Variants in CDH6 observed in about 807,000 individuals in gnomAD.
CDH6 encodes the protein cadherin-6.
In CDH6, 31 loss-of-function variants were observed where a neutral mutation model predicts 78.0. The ratio of observed to expected loss-of-function variants is 0.40; its 90% confidence interval spans 0.30 to 0.54. The LOEUF (loss-of-function observed/expected upper bound fraction) is 0.54, where lower values mean the gene tolerates loss of function less well. Ranked by LOEUF, CDH6 falls within the 20% of genes least tolerant of loss-of-function variation. CDH6 has a pLI of 0.56. For missense variants in CDH6, 724 were observed against 975.9 expected, an observed-to-expected ratio of 0.74 and a Z score of 3.44; for synonymous variants, 376 against 368.8, an observed-to-expected ratio of 1.02 and a Z score of -0.23.
intron 1 of CDH6, among the ~76,000 whole-genome samples, chr5:31,238,755 T>A (rs1178745985): frequency 1.3e-5 from 2 of 152,226 alleles, no homozygotes; most frequent in Admixed American, 1.3e-4. Context: ...CAAGTGCCAA[T>A]AGACACGTGT....
intron 10 of CDH6, 57 bp downstream of exon 10, chr5:31,317,549 C>G: frequency 6.6e-7 from 1 of 1,513,712 alleles, no homozygotes; most frequent in Non-Finnish European, 9.1e-7. Context: ...GTAACTGTTT[C>G]TGTATGTATA....
At chr5:31,302,852 GAGAA>G (rs1269429533) in intron 6 of CDH6, among the ~76,000 whole-genome samples, 259 of 125,152 alleles carry the variant, frequency 2.1e-3, no homozygotes, top group African/African-American at 7.2e-3. Context: ...AAGAAAGAAA[GAGAA>G]AGAAAGGAAG....
intron 6 of CDH6, among the ~76,000 whole-genome samples, chr5:31,303,958 A>G (rs1402916993): frequency 1.3e-5 from 2 of 152,152 alleles, no homozygotes; most frequent in South Asian, 2.1e-4. Context: ...ACATTCACCA[A>G]CGTCTAGATT....
chr5:31,252,773 T>C (rs1047056274), intron 1 of CDH6, among the ~76,000 whole-genome samples: 4 of 152,162 alleles, frequency 2.6e-5, no homozygotes, highest in Admixed American at 6.5e-5. Context: ...TGTTTTTTTT[T>C]TAAGAAGGCT....
chr5:31,259,742 G>A (rs1210683130), intron 1 of CDH6, among the ~76,000 whole-genome samples: 1 of 152,168 alleles, frequency 6.6e-6, no homozygotes, highest in African/African-American at 2.4e-5. Context: ...TTTGGGAAAA[G>A]ACAGGGTCCA....
chr5:31,281,842 G>A (rs893478993), intron 2 of CDH6, among the ~76,000 whole-genome samples: 1 of 152,124 alleles, frequency 6.6e-6, no homozygotes, highest in Non-Finnish European at 1.5e-5. Flanking sequence ...TTGGAGTCAG[G>A]CAGGCCTTGG....
chr5:31,218,590 ACATTCAGCCCAT>A (rs1275314135), intron 1 of CDH6, among the ~76,000 whole-genome samples: 1 of 152,130 alleles, frequency 6.6e-6, no homozygotes, highest in African/African-American at 2.4e-5. Context: ...TGTGAGCCCC[ACATTCAGCCCAT>A]CAGAGCACAG....
At chr5:31,197,160 T>C (rs1456422848) in intron 1 of CDH6, among the ~76,000 whole-genome samples, 1 of 152,176 alleles carries the variant, frequency 6.6e-6, no homozygotes, top group Non-Finnish European at 1.5e-5. Context: ...GTTTTTTCTG[T>C]TTCATTTCTT....
chr5:31,241,098 C>A (rs1253778535), intron 1 of CDH6, among the ~76,000 whole-genome samples: 1 of 152,204 alleles, frequency 6.6e-6, no homozygotes, highest in Non-Finnish European at 1.5e-5. Flanking sequence ...CTAGTTCTAA[C>A]CCCTCATCAT....
chr5:31,226,835 A>G (rs1187393996), intron 1 of CDH6, among the ~76,000 whole-genome samples: 1 of 152,228 alleles, frequency 6.6e-6, no homozygotes, highest in Non-Finnish European at 1.5e-5. Context: ...AAGATGAGAC[A>G]GTGAAATCCC....
chr5:31,319,144 G>A (rs1451575172), intron 11 of CDH6: 1 of 176,902 alleles, frequency 5.7e-6, no homozygotes, highest in Non-Finnish European at 1.2e-5. Context: ...GCCTTGGATT[G>A]GTAGGGCTGT....
intron 1 of CDH6, among the ~76,000 whole-genome samples, chr5:31,225,580 C>T (rs181009386): frequency 3.9e-5 from 6 of 151,948 alleles, no homozygotes; most frequent in African/African-American, 9.7e-5. Flanking sequence ...CTTACGTGGC[C>T]GGAGCAGGAG....
At chr5:31,201,341 G>C (rs960906982) in intron 1 of CDH6, among the ~76,000 whole-genome samples, 2 of 152,062 alleles carry the variant, frequency 1.3e-5, no homozygotes, top group African/African-American at 2.4e-5. Flanking sequence ...ATTTGTAATG[G>C]ATTGATGGCA....
intron 4 of CDH6, among the ~76,000 whole-genome samples, chr5:31,298,093 A>G (rs1442699110): frequency 6.6e-6 from 1 of 152,212 alleles, no homozygotes; most frequent in Non-Finnish European, 1.5e-5. Context: ...ATCAAAGTGA[A>G]ATGCCATCTG....
chr5:31,294,322 C>A lies in CDH6; in HGVS notation c.523+66C>A. The A allele has an allele frequency of 2.2e-6, 3 of 1,343,302 alleles. No homozygotes were observed. Among genetic ancestry groups the A allele is most frequent in the South Asian group, 2.7e-5 (2 of 75,180 alleles). The allele number at this position is 1,343,302 out of a possible 1,614,324, so 83.2% of individuals were successfully genotyped here. A position where few individuals can be genotyped will look rare whatever the true frequency, so the allele number is the denominator to read the frequency against. On this transcript the variant is annotated intron_variant, in intron 3 of 11. Transcript: ENST00000265071. The surrounding 1 kb of genome is among the most constrained non-coding windows in gnomAD (Gnocchi z 4.1). ...TAGTGCATCCACTGAGTAAGGAATCCCACGAGCTCAAAGTACTGAACTGCA... is the reference window on the plus strand; with the variant it reads ...TAGTGCATCCACTGAGTAAGGAATCACACGAGCTCAAAGTACTGAACTGCA...
At chr5:31,202,067 C>T (rs1014269709) in intron 1 of CDH6, among the ~76,000 whole-genome samples, 2 of 151,720 alleles carry the variant, frequency 1.3e-5, no homozygotes, top group Non-Finnish European at 2.9e-5. Flanking sequence ...TAAGCCGGAA[C>T]AAACACAGCC....
Position 31,201,548 on chromosome 5 carries a change from T to C in CDH6, c.-129+7662T>C, listed in dbSNP as rs1305257151. Among the ~76,000 whole-genome samples the C allele has an allele frequency of 4.6e-5, 7 of 152,320 alleles. No homozygotes were observed. The South Asian group carries it at 1.5e-3, about 32-fold the overall frequency. Reference sequence around the variant, plus strand: ...TTCCCACTGCTTTGAAGTTAAAATGTCAATTCTTTCATGGAAATATGGGGA... The same window carrying C: ...TTCCCACTGCTTTGAAGTTAAAATGCCAATTCTTTCATGGAAATATGGGGA... On this transcript the variant is annotated intron_variant, in intron 1 of 11. Coordinates refer to ENST00000265071, the MANE Select transcript of CDH6 (RefSeq NM_004932.4).
At chr5:31,250,857 C>T (rs13186740) in intron 1 of CDH6, 71,968 of 152,284 alleles carry the variant, frequency 0.47, 18,439 homozygotes, top group African/African-American at 0.69. Flanking sequence ...GCAAAACCCA[C>T]CCTTTTAGGT....
At chr5:31,228,434 T>C (rs1407702200) in intron 1 of CDH6, among the ~76,000 whole-genome samples, 4 of 152,212 alleles carry the variant, frequency 2.6e-5, no homozygotes, top group Non-Finnish European at 4.4e-5. Context: ...GCATTCACCT[T>C]GATTCCAAAC....
Sources: gnomAD v4.1 joint callset for allele counts (sites outside exome capture counted in the v4.1 genomes callset) on GRCh38, gnomAD v4.1.1 for gene constraint, Gnocchi (gnomAD v3.1) non-coding constraint, MANE v1.5 for transcripts, NCBI Gene and HGNC (gene_info 2026-07-23, HGNC 2026-07-21) for gene names.